Variants in PEX5L observed in about 807,000 individuals in gnomAD.
PEX5L encodes the protein peroxisomal biogenesis factor 5 like, also known as PEX5-related protein.
Under a neutral mutation model 84.0 loss-of-function variants are expected in PEX5L, and 30 were observed. The ratio of observed to expected loss-of-function variants is 0.36; its 90% CI spans 0.27 to 0.48. The LOEUF is 0.48. PEX5L is among the 20% of genes least tolerant of loss of function. PEX5L has a pLI of 0.99. For missense variants in PEX5L, 533 were observed against 754.6 expected, an observed-to-expected ratio of 0.71 and a Z score of 3.44; for synonymous variants, 270 against 283.1, an observed-to-expected ratio of 0.95 and a Z score of 0.46.
At chr3:179,816,051 T>C in intron 9 of PEX5L, 47 bp from the exon 10 acceptor site, 4 of 1,580,020 alleles carry the variant, frequency 2.5e-6, no homozygotes, top group Non-Finnish European at 3.5e-6. Flanking sequence ...ATTTCTCTTC[T>C]CATTCTCACA....
intron 2 of PEX5L, among the ~76,000 whole-genome samples, chr3:179,908,791 C>T (rs896386759): frequency 4.6e-5 from 7 of 152,116 alleles, no homozygotes; most frequent in African/African-American, 1.2e-4. Context: ...CTACAAAGGA[C>T]GTGAACTCAT....
At chr3:179,816,588 G>C (rs1316787007) in intron 9 of PEX5L, among the ~76,000 whole-genome samples, 1 of 152,126 alleles carries the variant, frequency 6.6e-6, no homozygotes, top group Non-Finnish European at 1.5e-5. Flanking sequence ...GGCCTGTTGA[G>C]GGGTCGGGGG....
chr3:179,813,762 C>T (rs1440984506), intron 10 of PEX5L, among the ~76,000 whole-genome samples: 6 of 151,720 alleles, frequency 4.0e-5, no homozygotes, highest in Non-Finnish European at 7.4e-5. Context: ...CTGCAAGCTC[C>T]GCCTCCCGGG....
chr3:179,802,116 A>C, intron 14 of PEX5L, 84 bp from the exon 15 acceptor site: 2 of 947,712 alleles, frequency 2.1e-6, no homozygotes, highest in Non-Finnish European at 3.4e-6. Flanking sequence ...AATTGGATTA[A>C]GTGATTTTAA....
chr3:179,944,334 A>G (rs1478475795), intron 2 of PEX5L, among the ~76,000 whole-genome samples: 2 of 152,196 alleles, frequency 1.3e-5, no homozygotes, highest in African/African-American at 4.8e-5. Flanking sequence ...AATAGACACT[A>G]TGGTCCCCAC....
chr3:179,820,045 C>T, intron 8 of PEX5L, 69 bp from the exon 9 acceptor site: 1 of 1,601,058 alleles, frequency 6.2e-7, no homozygotes, highest in Middle Eastern at 1.7e-4. Context: ...TTTTCTTCCC[C>T]CCCTAATAGA....
chr3:179,802,066 T>C (rs1307042938), intron 14 of PEX5L, 34 bp from the exon 15 acceptor site: 1 of 1,449,550 alleles, frequency 6.9e-7, no homozygotes, highest in Non-Finnish European at 9.7e-7. Context: ...TTAAAATGAG[T>C]CACATTTCAG....
chr3:179,929,336 T>C (rs946285228), intron 2 of PEX5L, among the ~76,000 whole-genome samples: 2 of 152,160 alleles, frequency 1.3e-5, no homozygotes, highest in African/African-American at 4.8e-5. Context: ...AATCTAAATA[T>C]AGAAAACCTA....
intron 2 of PEX5L, among the ~76,000 whole-genome samples, chr3:179,909,389 T>A (rs1203640980): frequency 1.2e-4 from 18 of 152,128 alleles, no homozygotes; most frequent in Admixed American, 1.2e-3. Context: ...AGAAAATGCG[T>A]TATCCATGAG....
Position 179,953,004 on chromosome 3 carries a change from G to A in PEX5L, c.93+18590C>T, listed in dbSNP as rs57189487. 5.7e-3 allele frequency among the ~76,000 whole-genome samples: 869 copies of A among 152,218 alleles called. 7 individuals carry two copies. The highest frequency in any genetic ancestry group is 0.02 in the African/African-American group (832 of 41,526). ...CTGACAAAAACAAGCAATGGGGAAA[G>A]GATTCCCTATTTAATAAATGGTGTT... is the stretch of plus-strand genomic sequence containing the variant. On this transcript the variant is annotated intron_variant, in intron 2 of 14. Transcript: ENST00000467460.
intron 1 of PEX5L, among the ~76,000 whole-genome samples, chr3:180,024,807 C>T (rs114803844): frequency 1.6e-3 from 240 of 152,108 alleles, no homozygotes; most frequent in Non-Finnish European, 2.6e-3. Flanking sequence ...ACAGCAGTTC[C>T]GACATCATAA....
intron 3 of PEX5L, among the ~76,000 whole-genome samples, chr3:179,896,543 C>T (rs2108962931): frequency 6.6e-6 from 1 of 152,092 alleles, no homozygotes. Context: ...ATTTTAAATG[C>T]AAGCCTAGGT....
chr3:179,835,005 G>T (rs1734440080), intron 8 of PEX5L, among the ~76,000 whole-genome samples: 1 of 152,172 alleles, frequency 6.6e-6, no homozygotes, highest in Non-Finnish European at 1.5e-5. Flanking sequence ...AGACATAGAA[G>T]GAAGATGGCC....
chr3:179,929,236 T>C (rs1463308292), intron 2 of PEX5L, among the ~76,000 whole-genome samples: 1 of 152,184 alleles, frequency 6.6e-6, no homozygotes, highest in Non-Finnish European at 1.5e-5. Context: ...CTTCCCTAGC[T>C]GACAGCAGGG....
chr3:179,919,718 T>A (rs116422918), intron 2 of PEX5L, among the ~76,000 whole-genome samples: 1,774 of 152,266 alleles, frequency 0.012, 37 homozygotes, highest in African/African-American at 0.04. Flanking sequence ...AACTGTTTTT[T>A]CTGAGATGAA....
chr3:180,000,524 A>C (rs1426270747), intron 1 of PEX5L, among the ~76,000 whole-genome samples: 1 of 152,200 alleles, frequency 6.6e-6, no homozygotes, highest in Non-Finnish European at 1.5e-5. Flanking sequence ...CTGAGGTGCT[A>C]GGTGAATCAA....
At chr3:179,809,418 T>C (rs759567653) in intron 12 of PEX5L, 53 bp downstream of exon 12, 52 of 1,369,408 alleles carry the variant, frequency 3.8e-5, no homozygotes, top group Non-Finnish European at 5.4e-5. Context: ...CTTTAGGTGA[T>C]TCATTGTATA....
intron 4 of PEX5L, among the ~76,000 whole-genome samples, chr3:179,882,420 C>T (rs910404273): frequency 6.6e-6 from 1 of 152,146 alleles, no homozygotes; most frequent in Admixed American, 6.5e-5. Context: ...AGCTCTTTGT[C>T]CCTTTGTTCT....
At position 179,827,173 on chromosome 3, in the gene PEX5L, T is replaced by C. The variant is rs116572053; in HGVS notation, c.823-7197A>G. On this transcript the variant is annotated intron_variant, in intron 8 of 14. Transcript: ENST00000467460. ...TCTCACTTCATTAAGAGTTTGTCTA[T>C]TGCTCTGTCTTTGAATGCCTGCCTT... is the stretch of plus-strand genomic sequence containing the variant. Among the ~76,000 whole-genome samples the C allele has an allele frequency of 9.2e-3, 1,403 of 152,324 alleles. 19 individuals carry two copies. The highest frequency in any genetic ancestry group is 0.032 in the African/African-American group (1,336 of 41,568).
Sources: gnomAD v4.1 joint callset for allele counts (sites outside exome capture counted in the v4.1 genomes callset) on GRCh38, gnomAD v4.1.1 for gene constraint, MANE v1.5 for transcripts, NCBI Gene and HGNC (gene_info 2026-07-23, HGNC 2026-07-21) for gene names.